The following ZNF169 variants were observed in gnomAD, a reference collection of about 807,000 sequenced individuals.
ZNF169 encodes zinc finger protein 169.
Under a neutral mutation model 12.0 loss-of-function variants are expected in ZNF169, and 11 were observed. That is an observed-to-expected ratio of 0.92 (90% CI 0.58 to 1.52). The LOEUF is 1.52. Among genes scored for constraint, ZNF169 ranks in the 40% most tolerant of loss-of-function variants. ZNF169 has a pLI of 0.00. For missense variants in ZNF169, 722 were observed against 744.0 expected, an observed-to-expected ratio of 0.97 and a Z score of 0.34; for synonymous variants, 302 against 286.5, an observed-to-expected ratio of 1.05 and a Z score of -0.55.
At chr9:94,270,331 G>T (rs999016495) in intron 1 of ZNF169, among the ~76,000 whole-genome samples, 4 of 151,440 alleles carry the variant, frequency 2.6e-5, no homozygotes, top group African/African-American at 9.7e-5. Context: ...ACATCTTTCT[G>T]GTTTTCTTTT....
In ZNF169 at chr9:94,300,227, A is replaced by T. The variant is rs559062736; in HGVS notation, c.669A>T (p.Lys223Asn). The T allele has an allele frequency of 6.2e-7, 1 of 1,614,216 alleles. No homozygotes were observed. The highest frequency in any genetic ancestry group is 2.2e-5 in the East Asian group (1 of 44,882). Residue 223 changes from lysine to asparagine, a missense_variant, in exon 5 of 5, where the codon AAA becomes AAT. Coordinates refer to ENST00000395395, the MANE Select transcript of ZNF169 (RefSeq NM_194320.4). The part of the protein sequence containing the change: ...IRGNYRLGLS[K>N]KSSLFSHQKH... ...GAAACTATAGACTGGGACTTAGCAA[A>T]AAGTCAAGCCTGTTCAGCCACCAGA...
At chr9:94,279,075 A>T (rs914229226) in intron 2 of ZNF169, among the ~76,000 whole-genome samples, 1 of 152,166 alleles carries the variant, frequency 6.6e-6, no homozygotes, top group African/African-American at 2.4e-5. Flanking sequence ...AATACAGGAC[A>T]TCCATGCTTA....
At chr9:94,286,094 G>C (rs1246503453) in intron 2 of ZNF169, among the ~76,000 whole-genome samples, 1 of 152,102 alleles carries the variant, frequency 6.6e-6, no homozygotes, top group Non-Finnish European at 1.5e-5. Flanking sequence ...TATGAGATCT[G>C]GGCTTTTAGT....
In ZNF169 at chr9:94,300,974, C is replaced by A; in HGVS notation, c.1416C>A (p.Thr472=). 6.2e-7 allele frequency: 1 copy of A among 1,607,836 alleles called. No individual in the cohort carries two copies. Among genetic ancestry groups the A allele is most frequent in the Non-Finnish European group, 8.5e-7 (1 of 1,177,886 alleles). ...DCGRGFGQKV[T]LIRHQRTHTG... ...GGCGTGGCTTTGGTCAGAAGGTCAC[C>A]CTCATCAGACACCAGAGGACACACA... The change falls in exon 5 of 5, where the codon ACC becomes ACA. Residue 472 remains threonine (T), a synonymous_variant. Coordinates refer to ENST00000395395, the MANE Select transcript of ZNF169 (RefSeq NM_194320.4).
rs139811483 is a variant in ZNF169 at position 94,301,320 on chromosome 9, C to T, written c.1762C>T (p.His588Tyr). 1 of 1,614,038 alleles carries T rather than the reference C, an allele frequency of 6.2e-7. No individual in the cohort carries two copies. Among genetic ancestry groups the T allele is most frequent in the Non-Finnish European group, 8.5e-7 (1 of 1,180,010 alleles). The change falls in exon 5 of 5, where the codon CAC becomes TAC. Residue 588 changes from histidine (H) to tyrosine (Y), a missense_variant. Physicochemically the swap from His to Tyr is moderately conservative, Grantham distance 83. Transcript: ENST00000395395. ...GFSQKSHLHR[H>Y]RRTKSGHQLL... The stretch of plus-strand genomic sequence containing the variant: ...TAGCCAGAAGTCTCACTTGCATAGA[C>T]ACAGGAGGACCAAGTCTGGTCATCA...
intron 2 of ZNF169, 38 bp downstream of exon 2, chr9:94,278,883 G>A (rs899200038): frequency 2.5e-6 from 4 of 1,609,268 alleles, no homozygotes; most frequent in Non-Finnish European, 2.5e-6. Context: ...TTGCAGGAAG[G>A]TTTCATAATC....
At chr9:94,270,687 AATATATAAT>A in intron 1 of ZNF169, among the ~76,000 whole-genome samples, 1 of 44,340 alleles carries the variant, frequency 2.3e-5, no homozygotes, top group Non-Finnish European at 6.0e-5. Context: ...AATATATATA[AATATATAAT>A]TTATATAATT....
intron 4 of ZNF169, chr9:94,294,444 A>G (rs1484211979): frequency 6.8e-6 from 1 of 146,778 alleles, no homozygotes; most frequent in East Asian, 2.0e-4. Flanking sequence ...TCTCACAAAG[A>G]AAAAAAAAAA....
chr9:94,286,362 T>C (rs1414344229), intron 2 of ZNF169, among the ~76,000 whole-genome samples: 1 of 152,174 alleles, frequency 6.6e-6, no homozygotes, highest in Non-Finnish European at 1.5e-5. Flanking sequence ...TGCGTATAAC[T>C]ATATGATGAG....
intron 1 of ZNF169, among the ~76,000 whole-genome samples, chr9:94,268,221 A>G (rs1830328049): frequency 6.6e-6 from 1 of 152,152 alleles, no homozygotes; most frequent in Admixed American, 6.6e-5. Flanking sequence ...TTTATGGATG[A>G]CAAAAAGTTT....
chr9:94,275,359 G>A (rs557310133), intron 1 of ZNF169, among the ~76,000 whole-genome samples: 1 of 152,322 alleles, frequency 6.6e-6, no homozygotes, highest in African/African-American at 2.4e-5. Context: ...TTTGAAATTG[G>A]AGATTTGTTT....
intron 2 of ZNF169, among the ~76,000 whole-genome samples, chr9:94,279,257 G>C (rs1423385569): frequency 1.3e-5 from 2 of 152,058 alleles, no homozygotes; most frequent in Non-Finnish European, 2.9e-5. Flanking sequence ...TGGGCGTGGT[G>C]GTGGGCGCCT....
At chr9:94,280,017 G>T (rs564847380) in intron 2 of ZNF169, among the ~76,000 whole-genome samples, 2 of 152,244 alleles carry the variant, frequency 1.3e-5, no homozygotes, top group African/African-American at 4.8e-5. Flanking sequence ...GGGCATTTTT[G>T]TATTGATTTT....
chr9:94,300,833 A>G lies in ZNF169; in HGVS notation c.1275A>G (p.Thr425=), dbSNP rs776464500. Residue 425 remains threonine (T), a synonymous_variant, in exon 5 of 5, where the codon ACA becomes ACG. Coordinates refer to ENST00000395395, the MANE Select transcript of ZNF169 (RefSeq NM_194320.4). ...VTLIRHQRTH[T]GEKPYLCPQC... is the part of the protein sequence containing the mutation. ...TCATCAGGCACCAGAGGACACACAC[A>G]GGGGAGAAGCCTTACCTGTGCCCCC... 1.3e-5 allele frequency: 21 copies of G among 1,613,470 alleles called. No individual in the cohort carries two copies. Among genetic ancestry groups the G allele is most frequent in the South Asian group, 7.7e-5 (7 of 91,050 alleles).
intron 1 of ZNF169, among the ~76,000 whole-genome samples, chr9:94,276,194 A>G (rs1830515107): frequency 6.6e-6 from 1 of 152,164 alleles, no homozygotes; most frequent in Non-Finnish European, 1.5e-5. Context: ...TCTAATATCT[A>G]ATCATGTGCA....
chr9:94,292,950 T>G (rs1228050368), intron 3 of ZNF169, 24 bp from the exon 4 acceptor site: 19 of 1,592,112 alleles, frequency 1.2e-5, no homozygotes, highest in Non-Finnish European at 1.5e-5. Context: ...CAAGATCACC[T>G]TGGTTTTTTT....
chr9:94,260,174 T>A (rs888795814), intron 1 of ZNF169, among the ~76,000 whole-genome samples: 1 of 152,076 alleles, frequency 6.6e-6, no homozygotes, highest in African/African-American at 2.4e-5. Context: ...TGCCTCAGGC[T>A]CCCGAGTAGC....
At chr9:94,272,812 C>G (rs991953037) in intron 1 of ZNF169, among the ~76,000 whole-genome samples, 6 of 152,108 alleles carry the variant, frequency 3.9e-5, no homozygotes, top group Non-Finnish European at 7.4e-5. Flanking sequence ...AGTGGCTACA[C>G]CATTTTACAG....
At chr9:94,297,735 A>G (rs149299899) in intron 4 of ZNF169, among the ~76,000 whole-genome samples, 2,073 of 152,328 alleles carry the variant, frequency 0.014, 118 homozygotes, top group Admixed American at 0.1. Flanking sequence ...GTCTGCCTTG[A>G]ACCAAGGGTC....
Sources: gnomAD v4.1 joint callset for allele counts (sites outside exome capture counted in the v4.1 genomes callset) on GRCh38, gnomAD v4.1.1 for gene constraint, MANE v1.5 for transcripts, NCBI Gene and HGNC (gene_info 2026-07-23, HGNC 2026-07-21) for gene names.